TDP1: variants seen among roughly 807,000 people sequenced by gnomAD.
TDP1 encodes tyrosyl-DNA phosphodiesterase 1, also known as tyr-DNA phosphodiesterase 1.
In TDP1, 64 loss-of-function variants were observed where a neutral mutation model predicts 81.5. The observed-to-expected ratio is 0.79, with a 90% CI of 0.64 to 0.97. The LOEUF (loss-of-function observed/expected upper bound fraction) is 0.97. Among genes scored for constraint, TDP1 ranks in the 50% least tolerant of loss-of-function variants. The pLI is 0.00. For missense variants in TDP1, 723 were observed against 743.8 expected, an observed-to-expected ratio of 0.97 and a Z score of 0.33; for synonymous variants, 256 against 264.3, an observed-to-expected ratio of 0.97 and a Z score of 0.30.
At position 89,989,074 on chromosome 14, in the gene TDP1, CTG is replaced by C; in HGVS notation, c.1303_1304del (p.Val435SerfsTer28). On this transcript the variant is annotated frameshift_variant, in exon 11 of 17. Coordinates refer to ENST00000335725, the MANE Select transcript of TDP1 (RefSeq NM_018319.4). LOFTEE classifies it high-confidence loss of function. ...GAAAGCAAGACTCCAGGAAAAAGCT[CTG>C]TTCCTCTTTACTTGGTGAGTTCTCG... 1 of 1,613,934 alleles carries C rather than the reference CTG, an allele frequency of 6.2e-7. No individual in the cohort carries two copies. The highest frequency in any genetic ancestry group is 8.5e-7 in the Non-Finnish European group (1 of 1,179,918).
rs34102128 is a variant in TDP1 at position 89,968,660 on chromosome 14, G to C, written c.659+1238G>C. Among the ~76,000 whole-genome samples, 1,119 of 152,324 alleles carry C rather than the reference G, an allele frequency of 7.3e-3. 12 individuals are homozygous for C. The highest frequency in any genetic ancestry group is 0.023 in the African/African-American group (955 of 41,568). ...GGGAAGGAGGAGAGAATGGCTGTCT[G>C]GAGGCAACAAGCAGTTTCTGCCTTG... On this transcript the variant is annotated intron_variant, in intron 5 of 16. Coordinates refer to ENST00000335725, the MANE Select transcript of TDP1 (RefSeq NM_018319.4).
At chr14:89,978,453 C>G (rs1395173812) in intron 7 of TDP1, among the ~76,000 whole-genome samples, 1 of 152,186 alleles carries the variant, frequency 6.6e-6, no homozygotes, top group Non-Finnish European at 1.5e-5. Context: ...GTTCTCTTCC[C>G]CCTTTGCAGG....
intron 2 of TDP1, among the ~76,000 whole-genome samples, chr14:89,958,072 G>C (rs1054460657): frequency 1.3e-5 from 2 of 152,236 alleles, no homozygotes; most frequent in African/African-American, 4.8e-5. Flanking sequence ...GCTCCATGTA[G>C]GGCTTGTGGA....
intron 14 of TDP1, among the ~76,000 whole-genome samples, chr14:90,007,876 C>T (rs1209587785): frequency 6.6e-6 from 1 of 152,118 alleles, no homozygotes; most frequent in Admixed American, 6.5e-5. Context: ...GGATTACAGG[C>T]GTGAACCACC....
intron 8 of TDP1, chr14:89,981,420 A>G (rs141328907): frequency 1.0e-4 from 47 of 451,634 alleles, no homozygotes; most frequent in South Asian, 1.9e-4. Context: ...AAGTTCAGCT[A>G]TTGTTCTTGA....
At chr14:89,997,256 A>G (rs1896715675) in intron 14 of TDP1, among the ~76,000 whole-genome samples, 2 of 152,208 alleles carry the variant, frequency 1.3e-5, no homozygotes, top group Admixed American at 1.3e-4. Flanking sequence ...CTTGTTCAGC[A>G]TACCCTGGTG....
At chr14:90,025,517 T>C (rs535027175) in intron 15 of TDP1, among the ~76,000 whole-genome samples, 4 of 152,354 alleles carry the variant, frequency 2.6e-5, no homozygotes, top group African/African-American at 9.6e-5. Flanking sequence ...TGGAGAGTCA[T>C]GTCAAGGTAC....
intron 15 of TDP1, among the ~76,000 whole-genome samples, chr14:90,021,660 G>T (rs1886104744): frequency 6.6e-6 from 1 of 152,154 alleles, no homozygotes; most frequent in South Asian, 2.1e-4. Context: ...CGACCTTATA[G>T]GGGGGCTCTT....
At chr14:89,973,836 A>G (rs1462007471) in intron 6 of TDP1, among the ~76,000 whole-genome samples, 4 of 152,126 alleles carry the variant, frequency 2.6e-5, no homozygotes. Flanking sequence ...ATTCAGGATC[A>G]AGGTGCCAGT....
At chr14:90,003,921 G>A (rs1457550575) in intron 14 of TDP1, among the ~76,000 whole-genome samples, 1 of 151,998 alleles carries the variant, frequency 6.6e-6, no homozygotes, top group Non-Finnish European at 1.5e-5. Context: ...ATCTCTTTTT[G>A]TTCTCCTTTG....
At chr14:90,039,812 G>T (rs1259908738) in intron 16 of TDP1, among the ~76,000 whole-genome samples, 2 of 152,102 alleles carry the variant, frequency 1.3e-5, no homozygotes, top group Non-Finnish European at 2.9e-5. Flanking sequence ...GAACTCATAT[G>T]AGCACTTGAC....
chr14:90,009,867 G>A (rs1386424886), intron 14 of TDP1, among the ~76,000 whole-genome samples: 5 of 152,126 alleles, frequency 3.3e-5, no homozygotes, highest in African/African-American at 1.2e-4. Flanking sequence ...TTTGACAAAG[G>A]CACCAATGTA....
intron 6 of TDP1, 157 bp from the exon 7 acceptor site, chr14:89,975,624 T>C (rs2140037796): frequency 2.1e-6 from 1 of 473,882 alleles, no homozygotes; most frequent in Non-Finnish European, 2.8e-6. Flanking sequence ...CAGATGCTAT[T>C]ATAAAAGCTG....
intron 7 of TDP1, among the ~76,000 whole-genome samples, chr14:89,978,569 A>G (rs969204007): frequency 2.6e-5 from 4 of 152,104 alleles, no homozygotes; most frequent in African/African-American, 9.7e-5. Flanking sequence ...ACCCTTTTCT[A>G]TCCATTTTTA....
At chr14:89,975,905 G>A (rs1041434648) in intron 7 of TDP1, 90 bp downstream of exon 7, 50 of 1,012,642 alleles carry the variant, frequency 4.9e-5, no homozygotes, top group Non-Finnish European at 7.5e-5. Flanking sequence ...AGCATGGTAG[G>A]CCCACCTAGG....
intron 10 of TDP1, chr14:89,988,486 G>GT (rs1430105757): frequency 5.2e-5 from 29 of 555,894 alleles, no homozygotes; most frequent in Non-Finnish European, 1.1e-5. Context: ...AAGGATTTTA[G>GT]TAGTTGCATG....
chr14:90,029,201 T>A (rs1222566957), intron 15 of TDP1, among the ~76,000 whole-genome samples: 4 of 149,734 alleles, frequency 2.7e-5, no homozygotes, highest in South Asian at 2.1e-4. Flanking sequence ...ATTATTTTTT[T>A]TTTTTTTTTT....
At chr14:89,971,468 T>C (rs1893656017) in intron 6 of TDP1, among the ~76,000 whole-genome samples, 197 bp downstream of exon 6, 2 of 152,316 alleles carry the variant, frequency 1.3e-5, no homozygotes, top group Non-Finnish European at 2.9e-5. Context: ...TGGAAAGGTT[T>C]TTCTTTTTGT....
chr14:89,978,985 T>C (rs1894664687), intron 7 of TDP1, among the ~76,000 whole-genome samples: 1 of 150,710 alleles, frequency 6.6e-6, no homozygotes, highest in South Asian at 2.1e-4. Flanking sequence ...TTTATGATAA[T>C]TTCATCCTGC....
Sources: gnomAD v4.1 joint callset for allele counts (sites outside exome capture counted in the v4.1 genomes callset) on GRCh38, gnomAD v4.1.1 for gene constraint, MANE v1.5 for transcripts, NCBI Gene and HGNC (gene_info 2026-07-23, HGNC 2026-07-21) for gene names.